PCDH7: variants seen among roughly 807,000 people sequenced by gnomAD.
PCDH7 encodes protocadherin 7, also known as protocadherin-7.
Under a neutral mutation model 58.9 loss-of-function variants are expected in PCDH7, and 17 were observed. The observed-to-expected ratio is 0.29, with a 90% confidence interval of 0.20 to 0.43. The LOEUF is 0.43. Ranked by LOEUF, PCDH7 falls within the 20% of genes least tolerant of loss-of-function variation. PCDH7 has a pLI of 1.00. For missense variants in PCDH7, 1,274 were observed against 1,441.0 expected, an observed-to-expected ratio of 0.88 and a Z score of 1.88; for synonymous variants, 664 against 616.4, an observed-to-expected ratio of 1.08 and a Z score of -1.14.
chr4:31,109,799 C>T (rs192719871), intron 3 of PCDH7, among the ~76,000 whole-genome samples: 12 of 152,236 alleles, frequency 7.9e-5, no homozygotes, highest in Admixed American at 7.8e-4. Flanking sequence ...CAGACAATGC[C>T]ATTGGTACAT....
chr4:30,722,140 C>A lies in PCDH7; in HGVS notation c.718C>A (p.Arg240Ser). The change falls in exon 1 of 2, where the codon CGC becomes AGC. Residue 240 changes from arginine (R) to serine (S), a missense_variant. Arg to Ser is a moderately radical substitution (Grantham distance 110, BLOSUM62 -1). Around this residue, in one of 3 missense-constraint regions of PCDH7, gnomAD observed 331 missense variants for 303.2 expected, o/e 1.09. Coordinates refer to ENST00000361762, the Ensembl canonical transcript of PCDH7. The surrounding 1 kb of genome is among the most constrained non-coding windows in gnomAD (Gnocchi z 7.6). ...CGGCGGCGGCACCAACCCCGGCGGCCGCAGCAGCGTGTTCGAGCTGCAGGT... is the reference window on the plus strand; with the variant it reads ...CGGCGGCGGCACCAACCCCGGCGGCAGCAGCAGCGTGTTCGAGCTGCAGGT... The A allele has an allele frequency of 6.8e-7, 1 of 1,464,744 alleles. No homozygotes were observed. Among genetic ancestry groups the A allele is most frequent in the Admixed American group, 2.4e-5 (1 of 41,738 alleles). 90.7% of individuals were successfully genotyped at this position (1,464,744 alleles called of 1,614,324 possible). A position where few individuals can be genotyped will look rare whatever the true frequency, so the allele number is the denominator to read the frequency against.
intron 1 of PCDH7, among the ~76,000 whole-genome samples, chr4:30,833,863 C>T (rs1046930138): frequency 3.3e-5 from 5 of 152,026 alleles, no homozygotes; most frequent in African/African-American, 9.7e-5. Flanking sequence ...ATAAAGATGA[C>T]GGAAAGAACA....
At chr4:30,962,879 C>T (rs553526796) in intron 3 of PCDH7, among the ~76,000 whole-genome samples, 50 of 149,656 alleles carry the variant, frequency 3.3e-4, no homozygotes, top group African/African-American at 8.3e-4. Flanking sequence ...AATATTAGTA[C>T]GTATCTTGAT....
intron 1 of PCDH7, among the ~76,000 whole-genome samples, chr4:30,824,083 CTT>C (rs571090590): frequency 2.0e-3 from 22 of 10,852 alleles, no homozygotes; most frequent in African/African-American, 8.5e-3. Flanking sequence ...GGTTTCTTTT[CTT>C]TCTTTCTTTC....
intron 3 of PCDH7, among the ~76,000 whole-genome samples, chr4:31,138,681 T>G (rs568224317): frequency 6.6e-6 from 1 of 152,138 alleles, no homozygotes; most frequent in Non-Finnish European, 1.5e-5. Context: ...GTTCTAAGAT[T>G]GTTTGCTAGT....
At chr4:30,752,087 C>T (rs2109259220) in intron 1 of PCDH7, among the ~76,000 whole-genome samples, 1 of 152,128 alleles carries the variant, frequency 6.6e-6, no homozygotes, top group East Asian at 1.9e-4. Context: ...TCCACTCTTC[C>T]ACGCTTCTTT....
intron 3 of PCDH7, among the ~76,000 whole-genome samples, chr4:31,093,914 T>A (rs951079713): frequency 2.6e-5 from 4 of 152,104 alleles, no homozygotes; most frequent in Admixed American, 2.0e-4. Flanking sequence ...GTAGTGTGAG[T>A]GTTTCATCAC....
At chr4:30,789,732 T>C (rs1395788698) in intron 1 of PCDH7, among the ~76,000 whole-genome samples, 1 of 152,196 alleles carries the variant, frequency 6.6e-6, no homozygotes, top group Non-Finnish European at 1.5e-5. Context: ...TTTATTTAGG[T>C]GAATTTCTGG....
chr4:31,093,891 A>C (rs1713597010), intron 3 of PCDH7, among the ~76,000 whole-genome samples: 1 of 152,132 alleles, frequency 6.6e-6, no homozygotes, highest in Non-Finnish European at 1.5e-5. Context: ...GTTGATTATA[A>C]ATTTTTATCA....
chr4:30,986,251 A>G (rs79297717), intron 3 of PCDH7, among the ~76,000 whole-genome samples: 1,966 of 152,170 alleles, frequency 0.013, 46 homozygotes, highest in African/African-American at 0.043. Context: ...TTGCCTACTA[A>G]ATGATAACTG....
chr4:31,108,026 A>T (rs1158864838), intron 3 of PCDH7, among the ~76,000 whole-genome samples: 1 of 152,150 alleles, frequency 6.6e-6, no homozygotes, highest in Non-Finnish European at 1.5e-5. Flanking sequence ...AAAGTATAGT[A>T]CTTCTGCATT....
At chr4:30,891,765 G>GT (rs1228095740) in intron 1 of PCDH7, among the ~76,000 whole-genome samples, 5 of 76,120 alleles carry the variant, frequency 6.6e-5, no homozygotes, top group African/African-American at 3.2e-4. Flanking sequence ...TCTGAGGGTT[G>GT]TTTTTTTGTT....
At chr4:31,055,047 A>T in intron 3 of PCDH7, among the ~76,000 whole-genome samples, 1 of 152,132 alleles carries the variant, frequency 6.6e-6, no homozygotes, top group East Asian at 1.9e-4. Context: ...GGTTTTAGCA[A>T]CTTATGAATA....
chr4:30,760,884 G>A (rs979207967), intron 1 of PCDH7, among the ~76,000 whole-genome samples: 2 of 152,172 alleles, frequency 1.3e-5, no homozygotes, highest in African/African-American at 4.8e-5. Flanking sequence ...GTCTTACAGA[G>A]TGGGGTGCCT....
intron 1 of PCDH7, among the ~76,000 whole-genome samples, chr4:30,747,173 T>G (rs1717889847): frequency 6.6e-6 from 1 of 152,198 alleles, no homozygotes; most frequent in Non-Finnish European, 1.5e-5. Flanking sequence ...GTTTATATAG[T>G]TAATACTGAA....
intron 3 of PCDH7, among the ~76,000 whole-genome samples, chr4:31,034,595 T>C (rs1190996541): frequency 6.6e-6 from 1 of 152,178 alleles, no homozygotes; most frequent in Non-Finnish European, 1.5e-5. Flanking sequence ...TACTTTAATA[T>C]TATCTAAGTC....
At chr4:31,041,546 G>A (rs921413242) in intron 3 of PCDH7, among the ~76,000 whole-genome samples, 6 of 151,986 alleles carry the variant, frequency 3.9e-5, no homozygotes, top group Non-Finnish European at 8.8e-5. Flanking sequence ...AATCCTGAAG[G>A]AGCACGACAC....
At chr4:31,098,583 G>A (rs577135623) in intron 3 of PCDH7, among the ~76,000 whole-genome samples, 16 of 152,102 alleles carry the variant, frequency 1.1e-4, no homozygotes, top group South Asian at 2.1e-4. Context: ...GCTCACATCC[G>A]TCTGGTCACT....
At chr4:30,900,678 T>TA (rs1740089446) in intron 1 of PCDH7, among the ~76,000 whole-genome samples, 1 of 152,144 alleles carries the variant, frequency 6.6e-6, no homozygotes, top group South Asian at 2.1e-4. Flanking sequence ...ATGACTTGAG[T>TA]AAAATATAGA....
Sources: gnomAD v4.1 joint callset for allele counts (sites outside exome capture counted in the v4.1 genomes callset) on GRCh38, gnomAD v4.1.1 for gene constraint, gnomAD v4.1.1 regional missense constraint, Gnocchi (gnomAD v3.1) non-coding constraint, MANE v1.5 for transcripts, NCBI Gene and HGNC (gene_info 2026-07-23, HGNC 2026-07-21) for gene names.